STAC: variants seen among roughly 807,000 people sequenced by gnomAD.
The protein encoded by STAC is SH3 and cysteine rich domain, also known as SH3 and cysteine-rich domain-containing protein.
STAC carries 43 observed loss-of-function variants against 48.8 expected under a neutral mutation model. That is an observed-to-expected ratio of 0.88 (90% CI 0.69 to 1.14). The LOEUF is 1.14. Ranked by LOEUF, STAC falls within the 50% of genes most tolerant of loss-of-function variation. The pLI, the probability that STAC is intolerant of heterozygous loss-of-function variation, is 0.00. For synonymous variants in STAC, 193 were observed against 179.5 expected (o/e 1.07, Z -0.60); for missense variants, 497 against 504.0 (o/e 0.99, Z 0.13).
chr3:36,442,703 T>C (rs1696380640), intron 1 of STAC, among the ~76,000 whole-genome samples: 1 of 149,468 alleles, frequency 6.7e-6, no homozygotes, highest in Non-Finnish European at 1.5e-5. Flanking sequence ...GAAGAGCAGA[T>C]AAAGTCAAAA....
At chr3:36,464,833 T>G (rs1697121144) in intron 2 of STAC, among the ~76,000 whole-genome samples, 3 of 151,992 alleles carry the variant, frequency 2.0e-5, no homozygotes, top group African/African-American at 4.8e-5. Context: ...TGTGTGTATT[T>G]TTTTTTTTAC....
chr3:36,446,052 C>A (rs1475603123), intron 2 of STAC, among the ~76,000 whole-genome samples: 1 of 152,194 alleles, frequency 6.6e-6, no homozygotes. Context: ...CAGTGCCCAT[C>A]CATTTCTAAT....
At chr3:36,380,807 C>T (rs1699492993) in intron 1 of STAC, 53 bp downstream of exon 1, 6 of 1,424,408 alleles carry the variant, frequency 4.2e-6, no homozygotes, top group Non-Finnish European at 5.8e-6. Context: ...CCTCTCCTGT[C>T]GGTCCAGCTT....
intron 1 of STAC, among the ~76,000 whole-genome samples, chr3:36,388,454 C>T (rs1185354739): frequency 6.6e-6 from 1 of 151,930 alleles, no homozygotes; most frequent in Non-Finnish European, 1.5e-5. Flanking sequence ...AATTCTATTA[C>T]ATTTTCAATG....
At chr3:36,531,610 A>T (rs1026385979) in intron 10 of STAC, among the ~76,000 whole-genome samples, 1 of 152,070 alleles carries the variant, frequency 6.6e-6, no homozygotes, top group Non-Finnish European at 1.5e-5. Context: ...CCACCTTACC[A>T]CCACCACCAT....
chr3:36,528,809 T>G (rs1340338106), intron 9 of STAC, 39 bp from the exon 10 acceptor site: 1 of 1,607,980 alleles, frequency 6.2e-7, no homozygotes, highest in East Asian at 2.2e-5. Context: ...TTATAATACA[T>G]GCTACAATTG....
intron 1 of STAC, among the ~76,000 whole-genome samples, chr3:36,386,155 C>T (rs766531323): frequency 6.6e-6 from 1 of 151,998 alleles, no homozygotes; most frequent in Non-Finnish European, 1.5e-5. Context: ...TATTATCTTT[C>T]TCATTTTGGC....
At position 36,398,607 on chromosome 3, in the gene STAC, AGGAGGGAAGGAAG is replaced by A. The variant is rs1559477457; in HGVS notation, c.111+17854_111+17866del. Among the ~76,000 whole-genome samples, 32 of 91,806 alleles carry A rather than the reference AGGAGGGAAGGAAG, an allele frequency of 3.5e-4. 2 individuals are homozygous for A. The highest frequency in any genetic ancestry group is 5.2e-4 in the Non-Finnish European group (23 of 44,324). 60.2% of individuals were successfully genotyped at this position (91,806 alleles called of 152,430 possible). On this transcript the variant is annotated intron_variant, in intron 1 of 10. Transcript: ENST00000273183. ...AAGGAAGGAAGGAAGGAAGAAAGGA[AGGAGGGAAGGAAG>A]AGAAAAAGAGAGAGAAAGAAAGAAA...
At chr3:36,532,269 G>A (rs1320917229) in intron 10 of STAC, among the ~76,000 whole-genome samples, 1 of 152,120 alleles carries the variant, frequency 6.6e-6, no homozygotes, top group East Asian at 1.9e-4. Flanking sequence ...GGGCTCTATG[G>A]TTTCACCCTG....
chr3:36,528,630 C>T (rs1363515232), intron 8 of STAC, 66 bp from the exon 9 acceptor site: 7 of 1,294,762 alleles, frequency 5.4e-6, no homozygotes, highest in African/African-American at 1.5e-5. Flanking sequence ...ATGATTACTC[C>T]TGACTTTAAA....
intron 8 of STAC, among the ~76,000 whole-genome samples, chr3:36,513,989 G>A (rs1575253763): frequency 6.6e-6 from 1 of 152,114 alleles, no homozygotes; most frequent in East Asian, 1.9e-4. Flanking sequence ...CATGAATCCT[G>A]AAAAAGTTAC....
At chr3:36,471,097 A>G (rs1697320066) in intron 2 of STAC, among the ~76,000 whole-genome samples, 1 of 152,198 alleles carries the variant, frequency 6.6e-6, no homozygotes, top group African/African-American at 2.4e-5. Flanking sequence ...AAGAGGTTTA[A>G]TTGGACTTAC....
chr3:36,406,126 A>G (rs2125630917), intron 1 of STAC, among the ~76,000 whole-genome samples: 1 of 152,304 alleles, frequency 6.6e-6, no homozygotes, highest in Non-Finnish European at 1.5e-5. Context: ...TTTGATCAGG[A>G]AACCTTTCTC....
intron 1 of STAC, among the ~76,000 whole-genome samples, chr3:36,423,533 C>T (rs1043648148): frequency 1.3e-5 from 2 of 151,408 alleles, no homozygotes; most frequent in African/African-American, 2.4e-5. Context: ...ATATTAGATG[C>T]GTGTTTTTTA....
intron 5 of STAC, 35 bp from the exon 6 acceptor site, chr3:36,493,116 T>A (rs1698035721): frequency 6.3e-7 from 1 of 1,595,712 alleles, no homozygotes; most frequent in Non-Finnish European, 8.6e-7. Flanking sequence ...AGATATAACA[T>A]TGTTCATCCC....
At position 36,503,360 on chromosome 3, in the gene STAC, G is replaced by C. The variant is rs185807807; in HGVS notation, c.767-1033G>C. Among the ~76,000 whole-genome samples the C allele has an allele frequency of 2.3e-3, 343 of 152,208 alleles. 1 individual carries two copies. Among genetic ancestry groups the C allele is most frequent in the Non-Finnish European group, 4.1e-3 (276 of 68,002 alleles). On this transcript the variant is annotated intron_variant, in intron 6 of 10. Coordinates refer to ENST00000273183, the MANE Select transcript of STAC (RefSeq NM_003149.3). ...AGGCAGAAGTCCCATTATCCATCAGGAACCTCCCACAGCTGGGTATGTGAA... is the reference window on the plus strand; with the variant it reads ...AGGCAGAAGTCCCATTATCCATCAGCAACCTCCCACAGCTGGGTATGTGAA...
At chr3:36,540,360 T>A (rs1445237670) in intron 10 of STAC, among the ~76,000 whole-genome samples, 1 of 151,998 alleles carries the variant, frequency 6.6e-6, no homozygotes, top group Non-Finnish European at 1.5e-5. Context: ...AATCCAGAGT[T>A]TACACAAAAG....
At chr3:36,465,888 C>G (rs1697155962) in intron 2 of STAC, among the ~76,000 whole-genome samples, 1 of 152,106 alleles carries the variant, frequency 6.6e-6, no homozygotes, top group Admixed American at 6.6e-5. Context: ...GTGGATCTAC[C>G]TTCCCCCGCC....
At chr3:36,380,780 G>T (rs753641753) in intron 1 of STAC, 26 bp downstream of exon 1, 7 of 1,559,208 alleles carry the variant, frequency 4.5e-6, no homozygotes, top group Non-Finnish European at 6.2e-6. Context: ...GCCCCCAAGA[G>T]AACACAAACT....
Sources: allele counts gnomAD v4.1 joint callset (sites outside exome capture counted in the v4.1 genomes callset), GRCh38; gene constraint gnomAD v4.1.1; transcripts MANE v1.5; gene names NCBI Gene and HGNC (gene_info 2026-07-23, HGNC 2026-07-21).